Variants in PRRC2B observed in about 807,000 individuals in gnomAD.
PRRC2B encodes proline rich coiled-coil 2B.
Under a neutral mutation model 242.3 loss-of-function variants are expected in PRRC2B, and 68 were observed. The ratio of observed to expected loss-of-function variants is 0.28; its 90% CI spans 0.23 to 0.34. The LOEUF is 0.34. Ranked by LOEUF, PRRC2B falls within the 10% of genes least tolerant of loss-of-function variation. The probability of loss-of-function intolerance (pLI) is 1.00; values close to 1 mark genes in which losing one functional copy is unlikely to be tolerated. For synonymous variants in PRRC2B, 1,228 were observed against 1,173.6 expected, an observed-to-expected ratio of 1.05 and a Z score of -0.95; for missense variants, 2,835 against 2,954.8, an observed-to-expected ratio of 0.96 and a Z score of 0.94.
chr9:131,471,008 A>G, intron 14 of PRRC2B, 25 bp downstream of exon 14: 3 of 1,555,122 alleles, frequency 1.9e-6, no homozygotes, highest in Non-Finnish European at 2.6e-6. Flanking sequence ...CTGACGGTCC[A>G]TACCTGTATC....
intron 14 of PRRC2B, among the ~76,000 whole-genome samples, chr9:131,473,133 C>T (rs1943590439): frequency 6.6e-6 from 1 of 152,204 alleles, no homozygotes; most frequent in Admixed American, 6.5e-5. Context: ...ATGTGTCTAT[C>T]TAATGTGCCT....
intron 1 of PRRC2B, among the ~76,000 whole-genome samples, chr9:131,386,754 T>G (rs1202957892): frequency 6.7e-6 from 1 of 149,928 alleles, no homozygotes; most frequent in Admixed American, 7.0e-5. Context: ...TGCTTGATGC[T>G]AAGGATAGCA....
chr9:131,446,363 C>A lies in PRRC2B; in HGVS notation c.614-38C>A, dbSNP rs745581026. 2 of 1,609,774 alleles carry A rather than the reference C, an allele frequency of 1.2e-6. No homozygotes were observed. The highest frequency in any genetic ancestry group is 3.3e-5 in the Admixed American group (2 of 59,930). On this transcript the variant is annotated intron_variant, in intron 6 of 31. Coordinates refer to ENST00000683519, the MANE Select transcript of PRRC2B (RefSeq NM_013318.4). This position sits in a 1 kb window ranked among gnomAD's most constrained non-coding sequence, Gnocchi z 4.1. ...CTCATACGATCCCTCCTTCCCCCTC[C>A]TCTTCCCTCTCCCCTTTTGCCCCCT...
At chr9:131,495,589 G>A in intron 31 of PRRC2B, 151 bp from the exon 32 acceptor site, 1 of 797,472 alleles carries the variant, frequency 1.3e-6, no homozygotes. Flanking sequence ...CTAGGAGGGG[G>A]GTTTCTAAGT....
chr9:131,409,158 G>T (rs1175781568), intron 1 of PRRC2B, among the ~76,000 whole-genome samples: 2 of 151,676 alleles, frequency 1.3e-5, no homozygotes, highest in African/African-American at 4.8e-5. Context: ...AAGTAACTGA[G>T]ATTACAGGCA....
Position 131,485,255 on chromosome 9 carries a change from AGCAACTT to A in PRRC2B, c.5758+117_5758+123del, listed in dbSNP as rs1156526650. Reference sequence around the variant, plus strand: ...CTTGTCTTAAGTAGCATGTAGAAGTAGCAACTTGTTTTTAGGCCCAGTGGTCGTAGCT... The same window carrying A: ...CTTGTCTTAAGTAGCATGTAGAAGTAGTTTTTAGGCCCAGTGGTCGTAGCT... On this transcript the variant is annotated intron_variant, in intron 25 of 31. Coordinates refer to ENST00000683519, the MANE Select transcript of PRRC2B (RefSeq NM_013318.4). 10 of 888,952 alleles carry A rather than the reference AGCAACTT, an allele frequency of 1.1e-5. No homozygotes were observed. In the African/African-American group the frequency reaches 1.7e-4, roughly 15 times the overall value. The allele number at this position is 888,952 out of a possible 1,614,324, so 55.1% of individuals were successfully genotyped here.
chr9:131,488,387 C>T (rs1944087573), intron 28 of PRRC2B, among the ~76,000 whole-genome samples: 1 of 152,128 alleles, frequency 6.6e-6, no homozygotes, highest in Non-Finnish European at 1.5e-5. Flanking sequence ...CCTCAGCCTC[C>T]TGAGTAGCTG....
At chr9:131,467,856 C>A in intron 13 of PRRC2B, 103 bp downstream of exon 13, 1 of 1,177,518 alleles carries the variant, frequency 8.5e-7, no homozygotes, top group Non-Finnish European at 1.2e-6. Context: ...TAGAAAAAGG[C>A]CAGAATATCC....
At chr9:131,381,894 C>T (rs1012526346) in intron 1 of PRRC2B, among the ~76,000 whole-genome samples, 2 of 151,826 alleles carry the variant, frequency 1.3e-5, no homozygotes, top group African/African-American at 4.8e-5. Context: ...CACGTACCAC[C>T]ATGCCTGGCT....
rs375669777 is a variant in PRRC2B at position 131,475,247 on chromosome 9, G to A, written c.3118G>A (p.Asp1040Asn). 1.1e-5 allele frequency: 17 copies of A among 1,613,402 alleles called. No homozygotes were observed. In the African/African-American group the frequency reaches 1.3e-4, roughly 13 times the overall value. The change falls in exon 16 of 32, where the codon GAT becomes AAT. Residue 1040 changes from aspartate to asparagine, a missense_variant. Asp to Asn is a conservative substitution (Grantham distance 23, BLOSUM62 1). This residue lies in a region of PRRC2B where 1,536 missense variants were observed against 1,483.1 expected (regional missense o/e 1.04). Coordinates refer to ENST00000683519, the MANE Select transcript of PRRC2B (RefSeq NM_013318.4). ...WEARPPRESS[D>N]VPPMKRNNWI... is the part of the protein sequence containing the mutation. ...AGCCAGACCCCCACGAGAGTCCAGC[G>A]ATGTTCCCCCCATGAAGAGAAATAA... is the stretch of plus-strand genomic sequence containing the variant.
intron 11 of PRRC2B, among the ~76,000 whole-genome samples, chr9:131,460,122 T>G (rs1231387090): frequency 6.6e-6 from 1 of 152,220 alleles, no homozygotes; most frequent in Non-Finnish European, 1.5e-5. Context: ...GTGGTACTTG[T>G]TTCCTACCAA....
rs142839078 is a variant in PRRC2B at position 131,469,688 on chromosome 9, T to C, written c.1912-1100T>C. Among the ~76,000 whole-genome samples the C allele has an allele frequency of 3.6e-3, 549 of 152,234 alleles. 4 individuals are homozygous for C. The highest frequency in any genetic ancestry group is 0.013 in the African/African-American group (523 of 41,536). ...CCTCAGAGTGTGACGCAGCAGTGAG[T>C]CCTGCCTCAAGGCCAATTCAGGGTT... On this transcript the variant is annotated intron_variant, in intron 13 of 31. Coordinates refer to ENST00000683519, the MANE Select transcript of PRRC2B (RefSeq NM_013318.4).
At chr9:131,388,382 A>G (rs2131268118) in intron 1 of PRRC2B, among the ~76,000 whole-genome samples, 1 of 148,342 alleles carries the variant, frequency 6.7e-6, no homozygotes, top group East Asian at 2.0e-4. Flanking sequence ...CTGGGATTAC[A>G]GGCATACACC....
At chr9:131,441,507 A>G (rs1838571994) in intron 5 of PRRC2B, among the ~76,000 whole-genome samples, 3 of 152,228 alleles carry the variant, frequency 2.0e-5, no homozygotes, top group Non-Finnish European at 1.5e-5. Context: ...CCTGAAAAAC[A>G]TAGCAAGACC....
At chr9:131,380,894 A>AAAAAAAAAAAAG (rs1404735078) in intron 1 of PRRC2B, among the ~76,000 whole-genome samples, 7 of 151,634 alleles carry the variant, frequency 4.6e-5, no homozygotes, top group Admixed American at 2.0e-4. Flanking sequence ...TCCAAAAAAA[A>AAAAAAAAAAAAG]AAAAAGAGTG....
rs764297152 is a variant in PRRC2B at position 131,478,562 on chromosome 9, C to G, written c.4701C>G (p.Thr1567=). The change falls in exon 18 of 32, where the codon ACC becomes ACG. Residue 1567 remains threonine, a synonymous_variant. Coordinates refer to ENST00000683519, the MANE Select transcript of PRRC2B (RefSeq NM_013318.4). ...MVGEGFIEVL[T]KKQRRLLEEE... Reference sequence around the variant, plus strand: ...GCGAAGGCTTCATCGAAGTCCTGACCAAGAAGCAGCGCCGCCTGCTGGAGG... The same window carrying G: ...GCGAAGGCTTCATCGAAGTCCTGACGAAGAAGCAGCGCCGCCTGCTGGAGG... 9 of 1,600,870 alleles carry G rather than the reference C, an allele frequency of 5.6e-6. No individual in the cohort carries two copies. Among genetic ancestry groups the G allele is most frequent in the Non-Finnish European group, 7.7e-6 (9 of 1,175,206 alleles).
At position 131,375,407 on chromosome 9, in the gene PRRC2B, T is replaced by G. The variant is rs111331727; in HGVS notation, c.-56+1676T>G. On this transcript the variant is annotated intron_variant, in intron 1 of 1. Transcript: ENST00000682525. ...GAGCAAGACTCTGTCTCAAAAAAAA[T>G]AAAAAAAATAAAAAAATAAGGGCAT... 9.2e-3 allele frequency among the ~76,000 whole-genome samples: 1,391 copies of G among 151,040 alleles called. 24 individuals carry two copies. Among genetic ancestry groups the G allele is most frequent in the African/African-American group, 0.03 (1,225 of 41,196 alleles).
rs1944316361 is a variant in PRRC2B at position 131,495,743 on chromosome 9, A to C, written c.6559A>C (p.Lys2187Gln). The C allele has an allele frequency of 1.2e-6, 2 of 1,609,724 alleles. No individual in the cohort carries two copies. Among genetic ancestry groups the C allele is most frequent in the African/African-American group, 2.7e-5 (2 of 74,880 alleles). The change falls in exon 32 of 32, where the codon AAA (lysine) becomes CAA (glutamine). Residue 2187 changes from lysine to glutamine, a missense_variant. By Grantham distance (53) the Lys-to-Gln change is moderately conservative. Transcript: ENST00000683519. The part of the protein sequence containing the change: ...SVQGHYVQQA[K>Q]QRVDEKPSLG... ...TTTCCCATTCATCTGTCCAAAGGCA[A>C]AACAACGAGTGGATGAGAAACCCAG...
At chr9:131,447,559 T>A (rs761545717) in intron 8 of PRRC2B, 103 bp from the exon 9 acceptor site, 52 of 1,157,558 alleles carry the variant, frequency 4.5e-5, no homozygotes, top group Non-Finnish European at 5.9e-5. Flanking sequence ...AATAATTAAA[T>A]CAAACATGAA....
Sources: allele counts gnomAD v4.1 joint callset (sites outside exome capture counted in the v4.1 genomes callset), GRCh38; gene constraint gnomAD v4.1.1; regional missense constraint gnomAD v4.1.1; non-coding constraint Gnocchi (gnomAD v3.1); transcripts MANE v1.5; gene names NCBI Gene and HGNC (gene_info 2026-07-23, HGNC 2026-07-21).